The following RABGAP1 variants were observed in gnomAD, a reference collection of about 807,000 sequenced individuals.
RABGAP1 encodes the protein RAB GTPase activating protein 1.
RABGAP1 carries 23 observed loss-of-function variants against 137.6 expected under a neutral mutation model. The ratio of observed to expected loss-of-function variants is 0.17; its 90% CI spans 0.12 to 0.24. The LOEUF (loss-of-function observed/expected upper bound fraction) is 0.24. Ranked by LOEUF, RABGAP1 falls within the 10% of genes least tolerant of loss-of-function variation. The probability of loss-of-function intolerance (pLI) is 1.00; values close to 1 mark genes in which losing one functional copy is unlikely to be tolerated. For synonymous variants in RABGAP1, 451 were observed against 450.7 expected, an observed-to-expected ratio of 1.00 and a Z score of -0.01; for missense variants, 906 against 1,275.8, an observed-to-expected ratio of 0.71 and a Z score of 4.42.
chr9:123,045,608 G>A lies in RABGAP1; in HGVS notation c.1795-19740G>A, dbSNP rs77493315. ...ATCTTAATCTGTCTGAATGTTAGAA[G>A]GATCTTCATCTTTGAATGAAGATGA... On this transcript the variant is annotated intron_variant, in intron 13 of 25. Coordinates refer to ENST00000373647, the MANE Select transcript of RABGAP1 (RefSeq NM_012197.4). 5.9e-5 allele frequency among the ~76,000 whole-genome samples: 9 copies of A among 152,296 alleles called. No homozygotes were observed. The East Asian group carries it at 1.7e-3, about 29-fold the overall frequency.
intron 2 of RABGAP1, among the ~76,000 whole-genome samples, chr9:122,964,562 A>G (rs185623611): frequency 2.1e-4 from 32 of 152,358 alleles, no homozygotes; most frequent in Admixed American, 5.9e-4. Flanking sequence ...TAGAAATACA[A>G]TGGAACATTT....
chr9:122,942,538 C>A (rs1200650165), intron 1 of RABGAP1, among the ~76,000 whole-genome samples: 1 of 152,028 alleles, frequency 6.6e-6, no homozygotes, highest in East Asian at 1.9e-4. Context: ...GGCGTAGTGG[C>A]AGGCGCCTGT....
intron 2 of RABGAP1, among the ~76,000 whole-genome samples, chr9:122,958,036 A>G (rs1354899038): frequency 1.3e-5 from 2 of 152,204 alleles, no homozygotes; most frequent in African/African-American, 4.8e-5. Context: ...AAGCACTCCC[A>G]GGTTCACACC....
chr9:122,963,607 A>G (rs974780897), intron 2 of RABGAP1, among the ~76,000 whole-genome samples: 2 of 152,228 alleles, frequency 1.3e-5, no homozygotes, highest in Admixed American at 1.3e-4. Context: ...GACTTATGGG[A>G]TACAGCTTAA....
chr9:122,976,178 A>G (rs1050209675), intron 2 of RABGAP1, among the ~76,000 whole-genome samples: 2 of 152,182 alleles, frequency 1.3e-5, no homozygotes, highest in African/African-American at 4.8e-5. Context: ...TGTTTACAGT[A>G]GCTGCTAAAT....
chr9:123,088,380 T>G (rs2034934165), intron 19 of RABGAP1, among the ~76,000 whole-genome samples: 1 of 148,278 alleles, frequency 6.7e-6, no homozygotes, highest in Non-Finnish European at 1.5e-5. Flanking sequence ...ACACATCTGT[T>G]TTTTTTTTAA....
At chr9:122,948,330 C>T (rs1487803766) in intron 1 of RABGAP1, among the ~76,000 whole-genome samples, 2 of 151,928 alleles carry the variant, frequency 1.3e-5, no homozygotes, top group Non-Finnish European at 2.9e-5. Flanking sequence ...ATAGGGACAT[C>T]GAGAGGGAGA....
Position 123,027,225 on chromosome 9 carries a change from C to T in RABGAP1, c.1794+6766C>T, listed in dbSNP as rs893282112. 4.6e-5 allele frequency among the ~76,000 whole-genome samples: 7 copies of T among 151,698 alleles called. No homozygotes were observed. The East Asian group carries it at 1.4e-3, about 29-fold the overall frequency. ...TCCGCCTCCCAGGTTCAGTGATTCT[C>T]CTGTCACAGCCTCCCGAGTAGCTGG... On this transcript the variant is annotated intron_variant, in intron 13 of 25. Coordinates refer to ENST00000373647, the MANE Select transcript of RABGAP1 (RefSeq NM_012197.4).
In RABGAP1 at chr9:123,027,233, A is replaced by G. The variant is rs570459747; in HGVS notation, c.1794+6774A>G. Among the ~76,000 whole-genome samples the G allele has an allele frequency of 9.9e-5, 15 of 151,138 alleles. No individual in the cohort carries two copies. The South Asian group carries it at 3.1e-3, about 31-fold the overall frequency. The stretch of plus-strand genomic sequence containing the variant: ...CCAGGTTCAGTGATTCTCCTGTCAC[A>G]GCCTCCCGAGTAGCTGGGACTACAG... On this transcript the variant is annotated intron_variant, in intron 13 of 25. Coordinates refer to ENST00000373647, the MANE Select transcript of RABGAP1 (RefSeq NM_012197.4).
chr9:123,097,235 A>G (rs1214573047), intron 21 of RABGAP1, among the ~76,000 whole-genome samples: 1 of 152,234 alleles, frequency 6.6e-6, no homozygotes, highest in East Asian at 1.9e-4. Context: ...GATAAGAAAA[A>G]GTGCCAGGAA....
At position 123,013,148 on chromosome 9, in the gene RABGAP1, T is replaced by C. The variant is rs373951925; in HGVS notation, c.1550-2395T>C. 3.8e-4 allele frequency among the ~76,000 whole-genome samples: 58 copies of C among 152,354 alleles called. 1 individual carries two copies. In the South Asian group the frequency reaches 0.011, roughly 29 times the overall value. On this transcript the variant is annotated intron_variant, in intron 11 of 25. Transcript: ENST00000373647. The stretch of plus-strand genomic sequence containing the variant: ...GAGAATTTTGTAAGAAAAGTTTTTC[T>C]AATATTTTTGAAGAAATTACCATCC...
At chr9:122,980,857 T>C (rs1836012632) in intron 2 of RABGAP1, among the ~76,000 whole-genome samples, 1 of 152,190 alleles carries the variant, frequency 6.6e-6, no homozygotes, top group South Asian at 2.1e-4. Flanking sequence ...ACAGAGGTTT[T>C]TCTTGGGTGG....
At chr9:123,088,396 TTTCTA>T (rs1244283458) in intron 19 of RABGAP1, among the ~76,000 whole-genome samples, 1 of 152,080 alleles carries the variant, frequency 6.6e-6, no homozygotes, top group African/African-American at 2.4e-5. Flanking sequence ...TTTAATCACT[TTTCTA>T]TTATATCTCA....
rs376818616 is a variant in RABGAP1, at chr9:123,076,645, T to A, written c.2307T>A (p.Asp769Glu). ...VALGLLKTSK[D>E]DLLLTDFEGA... is the part of the protein sequence containing the mutation. The stretch of plus-strand genomic sequence containing the variant: ...GTATTTTCTTCAAGACTTCGAAAGA[T>A]GACCTGCTGTTGACAGACTTTGAAG... Residue 769 changes from aspartate (D) to glutamate (E), a missense_variant, in exon 19 of 26, where the codon GAT becomes GAA. By Grantham distance (45) the Asp-to-Glu change is conservative. Coordinates refer to ENST00000373647, the MANE Select transcript of RABGAP1 (RefSeq NM_012197.4). 60 of 1,596,306 alleles carry A rather than the reference T, an allele frequency of 3.8e-5. No homozygotes were observed. In the East Asian group the frequency reaches 1.0e-3, roughly 27 times the overall value.
At chr9:122,981,520 C>A (rs569295605) in intron 2 of RABGAP1, among the ~76,000 whole-genome samples, 3 of 152,242 alleles carry the variant, frequency 2.0e-5, no homozygotes, top group African/African-American at 7.2e-5. Flanking sequence ...AGTTCCCAGA[C>A]TAGCAACATC....
At chr9:123,023,889 T>C (rs984655178) in intron 13 of RABGAP1, among the ~76,000 whole-genome samples, 1 of 152,184 alleles carries the variant, frequency 6.6e-6, no homozygotes, top group Admixed American at 6.5e-5. Flanking sequence ...GAGATTTTTT[T>C]TTTGCTTAGC....
At chr9:123,103,012 C>T in intron 25 of RABGAP1, 79 bp from the exon 26 acceptor site, 1 of 1,533,324 alleles carries the variant, frequency 6.5e-7, no homozygotes, top group Non-Finnish European at 8.8e-7. Context: ...AGACTGCATT[C>T]TTGTCTTGGT....
the RABGAP1 span, among the ~76,000 whole-genome samples, chr9:122,934,081 CTTT>C: frequency 1.4e-5 from 2 of 139,662 alleles, no homozygotes; most frequent in Non-Finnish European, 1.6e-5. Flanking sequence ...CTTTTCTTTT[CTTT>C]TTTTTTTTTT....
At chr9:123,014,307 A>T (rs1433462072) in intron 11 of RABGAP1, among the ~76,000 whole-genome samples, 1 of 152,202 alleles carries the variant, frequency 6.6e-6, no homozygotes, top group Middle Eastern at 3.2e-3. Context: ...TCCTTAATTG[A>T]ATTAAATTAG....
Sources: allele counts gnomAD v4.1 joint callset (sites outside exome capture counted in the v4.1 genomes callset), GRCh38; gene constraint gnomAD v4.1.1; transcripts MANE v1.5; gene names NCBI Gene and HGNC (gene_info 2026-07-23, HGNC 2026-07-21).